The following LEF1 variants were observed in gnomAD, a reference collection of about 807,000 sequenced individuals.
The protein encoded by LEF1 is lymphoid enhancer-binding factor 1.
LEF1 carries 14 observed loss-of-function variants against 51.2 expected under a neutral mutation model. That is an observed-to-expected ratio of 0.27 (90% CI 0.18 to 0.43). The LOEUF is 0.43. Among genes scored for constraint, LEF1 ranks in the 20% least tolerant of loss-of-function variants. LEF1 has a pLI of 1.00. For synonymous variants in LEF1, 185 were observed against 183.2 expected (o/e 1.01, Z -0.08); for missense variants, 386 against 512.0 (o/e 0.75, Z 2.37).
At chr4:108,077,933 C>T (rs553655976) in intron 8 of LEF1, among the ~76,000 whole-genome samples, 103 of 152,224 alleles carry the variant, frequency 6.8e-4, no homozygotes, top group African/African-American at 2.4e-3. Context: ...CCCAGCTATT[C>T]GGGAGGTTGA....
intron 3 of LEF1, among the ~76,000 whole-genome samples, chr4:108,097,126 C>A (rs1264427939): frequency 6.6e-6 from 1 of 152,178 alleles, no homozygotes; most frequent in Non-Finnish European, 1.5e-5. Flanking sequence ...TATTAAAGAG[C>A]TATCTGCATT....
rs772758213 is a variant in LEF1, at chr4:108,165,106, G to A, written c.271C>T (p.Pro91Ser). The A allele has an allele frequency of 1.9e-6, 3 of 1,613,954 alleles. No individual in the cohort carries two copies. Among genetic ancestry groups the A allele is most frequent in the East Asian group, 2.2e-5 (1 of 44,882 alleles). The change falls in exon 2 of 12, where the codon CCC (proline) becomes TCC (serine). Residue 91 changes from proline (P) to serine (S), a missense_variant. By Grantham distance (74) the Pro-to-Ser change is moderately conservative (BLOSUM62 -1). Coordinates refer to ENST00000265165, the MANE Select transcript of LEF1 (RefSeq NM_016269.5). ...AGAATGGGTGTCTTACCGTCATCGG[G>A]GTGTTCTCTGGCCTTGTCGTGGTAG... Reference protein sequence around the residue: ...EPYHDKAREHPDDGKHPDGGL... With the variant: ...EPYHDKAREHSDDGKHPDGGL...
chr4:108,157,440 T>C (rs897722153), intron 3 of LEF1, among the ~76,000 whole-genome samples: 3 of 152,116 alleles, frequency 2.0e-5, no homozygotes, highest in Admixed American at 1.3e-4. Flanking sequence ...GTGATCCACC[T>C]GCCTCGAGCA....
intron 3 of LEF1, among the ~76,000 whole-genome samples, chr4:108,138,520 C>T (rs1048434511): frequency 1.3e-5 from 2 of 152,056 alleles, no homozygotes; most frequent in African/African-American, 4.8e-5. Context: ...CACACACACA[C>T]ACACACACGA....
At chr4:108,067,455 G>A (rs1266661879) in intron 9 of LEF1, among the ~76,000 whole-genome samples, 4 of 151,662 alleles carry the variant, frequency 2.6e-5, no homozygotes, top group Non-Finnish European at 5.9e-5. Context: ...AGTTTACAAA[G>A]GTCATATGAG....
intron 3 of LEF1, among the ~76,000 whole-genome samples, chr4:108,096,371 C>T (rs927208561): frequency 1.3e-5 from 2 of 152,128 alleles, no homozygotes; most frequent in East Asian, 1.9e-4. Context: ...AGTGGAAGGA[C>T]GTGGGGCAGA....
At chr4:108,129,485 T>C (rs1203215790) in intron 3 of LEF1, among the ~76,000 whole-genome samples, 1 of 152,220 alleles carries the variant, frequency 6.6e-6, no homozygotes, top group African/African-American at 2.4e-5. Flanking sequence ...AAAACATGTA[T>C]GGATTGCATA....
chr4:108,099,174 T>A (rs1740584178), intron 3 of LEF1, among the ~76,000 whole-genome samples: 1 of 152,162 alleles, frequency 6.6e-6, no homozygotes, highest in African/African-American at 2.4e-5. Flanking sequence ...ATTACTAAAA[T>A]TAATTTTACC....
chr4:108,142,197 C>T (rs1367626794), intron 3 of LEF1, among the ~76,000 whole-genome samples: 2 of 152,220 alleles, frequency 1.3e-5, no homozygotes, highest in African/African-American at 2.4e-5. Flanking sequence ...AAAGACCTGT[C>T]CCGCGCCCTT....
intron 3 of LEF1, among the ~76,000 whole-genome samples, chr4:108,156,360 C>A (rs920372954): frequency 6.6e-6 from 1 of 152,122 alleles, no homozygotes; most frequent in African/African-American, 2.4e-5. Context: ...AAACACTGGT[C>A]TAATGCTACT....
At chr4:108,069,917 C>T (rs1379607522) in intron 9 of LEF1, among the ~76,000 whole-genome samples, 1 of 150,222 alleles carries the variant, frequency 6.7e-6, no homozygotes, top group Non-Finnish European at 1.5e-5. Flanking sequence ...AAGATCATGC[C>T]ACCGCACTCC....
At chr4:108,074,784 G>A (rs968460993) in intron 8 of LEF1, among the ~76,000 whole-genome samples, 8 of 152,198 alleles carry the variant, frequency 5.3e-5, no homozygotes, top group Non-Finnish European at 1.0e-4. Flanking sequence ...TAGGACACAT[G>A]CTCGGATCTG....
At chr4:108,064,076 C>T (rs1479451130) in intron 10 of LEF1, among the ~76,000 whole-genome samples, 1 of 152,000 alleles carries the variant, frequency 6.6e-6, no homozygotes, top group East Asian at 1.9e-4. Context: ...ATAAAACAAA[C>T]AAACAAACAA....
intron 3 of LEF1, among the ~76,000 whole-genome samples, chr4:108,135,464 C>T (rs370046373): frequency 3.2e-4 from 48 of 152,328 alleles, no homozygotes; most frequent in African/African-American, 1.1e-3. Context: ...AGATGTGCTT[C>T]CATCTATTTC....
chr4:108,159,283 T>C (rs1744921507), intron 3 of LEF1, among the ~76,000 whole-genome samples: 1 of 152,158 alleles, frequency 6.6e-6, no homozygotes, highest in Admixed American at 6.5e-5. Flanking sequence ...CTCTGAGGAA[T>C]TTTCCCACAC....
At chr4:108,092,918 A>AG (rs1740122590) in intron 3 of LEF1, among the ~76,000 whole-genome samples, 1 of 39,206 alleles carries the variant, frequency 2.6e-5, no homozygotes, top group Non-Finnish European at 4.9e-5. Context: ...ATGAATATGT[A>AG]AAAAAAAAAA....
chr4:108,129,588 T>C (rs536696136), intron 3 of LEF1, among the ~76,000 whole-genome samples: 2 of 152,314 alleles, frequency 1.3e-5, no homozygotes, highest in East Asian at 3.9e-4. Context: ...AACAACACTT[T>C]TCTGGATTCT....
rs17038561 is a variant in LEF1 at position 108,071,155 on chromosome 4, A to G, written c.1009-385T>C. On this transcript the variant is annotated intron_variant, in intron 8 of 11. Transcript: ENST00000265165. ...TAGCATATTCTGATATCTGAGCCCA[A>G]GTACTTTTTATTTATGCAAAACGTG... is the stretch of plus-strand genomic sequence containing the variant. 2.5e-3 allele frequency among the ~76,000 whole-genome samples: 376 copies of G among 152,324 alleles called. 2 individuals carry two copies. The highest frequency in any genetic ancestry group is 8.4e-3 in the African/African-American group (350 of 41,558).
intron 3 of LEF1, among the ~76,000 whole-genome samples, chr4:108,138,977 A>C (rs1185475019): frequency 6.6e-6 from 1 of 152,262 alleles, no homozygotes; most frequent in Admixed American, 6.5e-5. Flanking sequence ...GAAATGGTAG[A>C]GACTGGACTG....
Sources: gnomAD v4.1 joint callset for allele counts (sites outside exome capture counted in the v4.1 genomes callset) on GRCh38, gnomAD v4.1.1 for gene constraint, MANE v1.5 for transcripts, NCBI Gene and HGNC (gene_info 2026-07-23, HGNC 2026-07-21) for gene names.